SERPINB10: variants seen among roughly 807,000 people sequenced by gnomAD.
SERPINB10 encodes the protein serpin B10.
SERPINB10 carries 35 observed loss-of-function variants against 39.1 expected under a neutral mutation model. That is an observed-to-expected ratio of 0.90 (90% CI 0.68 to 1.19). The LOEUF is 1.19. Among genes scored for constraint, SERPINB10 ranks in the 50% most tolerant of loss-of-function variants. The probability of loss-of-function intolerance (pLI) is 0.00; values close to 1 mark genes in which losing one functional copy is unlikely to be tolerated. For synonymous variants in SERPINB10, 190 were observed against 158.1 expected, an observed-to-expected ratio of 1.20 and a Z score of -1.52; for missense variants, 546 against 460.5, an observed-to-expected ratio of 1.19 and a Z score of -1.70.
intron 3 of SERPINB10, 45 bp downstream of exon 3, chr18:63,917,566 T>A: frequency 1.8e-6 from 2 of 1,126,526 alleles, no homozygotes; most frequent in Non-Finnish European, 2.5e-6. Context: ...AAGGAAAAAG[T>A]ACTTTTAGCA....
At chr18:63,934,096 T>C (rs1379064936) in intron 7 of SERPINB10, among the ~76,000 whole-genome samples, 1 of 152,186 alleles carries the variant, frequency 6.6e-6, no homozygotes, top group African/African-American at 2.4e-5. Flanking sequence ...TTAATGTAAG[T>C]GGTTTACAGG....
chr18:63,932,241 C>A (rs142701874), intron 6 of SERPINB10, among the ~76,000 whole-genome samples: 6 of 152,276 alleles, frequency 3.9e-5, no homozygotes, highest in African/African-American at 1.2e-4. Flanking sequence ...TTTCTGTGGA[C>A]ACTGTTTTTA....
intron 5 of SERPINB10, among the ~76,000 whole-genome samples, chr18:63,929,300 A>C (rs1340435327): frequency 6.6e-6 from 1 of 152,178 alleles, no homozygotes; most frequent in Non-Finnish European, 1.5e-5. Context: ...TTAGAAATTT[A>C]AAATTTTTGG....
intron 5 of SERPINB10, among the ~76,000 whole-genome samples, chr18:63,921,715 A>C (rs2050148067): frequency 6.6e-6 from 1 of 151,890 alleles, no homozygotes; most frequent in Admixed American, 6.6e-5. Context: ...GACCTATGGG[A>C]TCAACACAAA....
chr18:63,909,293 C>T (rs1239761776), intron 1 of SERPINB10, among the ~76,000 whole-genome samples: 19 of 152,032 alleles, frequency 1.2e-4, no homozygotes, highest in Non-Finnish European at 5.9e-5. Flanking sequence ...TACACATTTG[C>T]AGTCTTCTCT....
intron 1 of SERPINB10, 89 bp downstream of exon 1, chr18:63,908,129 C>T (rs931023141): frequency 1.3e-5 from 3 of 226,286 alleles, no homozygotes; most frequent in Admixed American, 6.1e-5. Flanking sequence ...AATGAAGACC[C>T]CTTCCCCCAA....
At chr18:63,920,263 T>G (rs2050137147) in intron 5 of SERPINB10, among the ~76,000 whole-genome samples, 1 of 152,002 alleles carries the variant, frequency 6.6e-6, no homozygotes, top group African/African-American at 2.4e-5. Flanking sequence ...ATAACAGAAA[T>G]GTGGCATTAA....
Position 63,918,013 on chromosome 18 carries a change from C to A in SERPINB10, c.283C>A (p.Leu95Ile), listed in dbSNP as rs145953625. The A allele has an allele frequency of 2.5e-6, 4 of 1,611,774 alleles. No homozygotes were observed. In the African/African-American group the frequency reaches 5.3e-5, roughly 22 times the overall value. ...SEEIHSDFQT[L>I]ISEILKPNDD... ...AGAAATACACTCTGATTTCCAAACACTTATCTCAGAAATCCTCAAGCCCAA... is the reference window on the plus strand; with the variant it reads ...AGAAATACACTCTGATTTCCAAACAATTATCTCAGAAATCCTCAAGCCCAA... The change falls in exon 4 of 8, where the codon CTT becomes ATT. Residue 95 changes from leucine (L) to isoleucine (I), a missense_variant. Coordinates refer to ENST00000238508, the MANE Select transcript of SERPINB10 (RefSeq NM_005024.3).
intron 7 of SERPINB10, among the ~76,000 whole-genome samples, chr18:63,934,536 T>C (rs983467200): frequency 6.6e-6 from 1 of 152,196 alleles, no homozygotes; most frequent in African/African-American, 2.4e-5. Flanking sequence ...AACATCTAAA[T>C]GTATATTTAT....
chr18:63,932,403 C>T (rs1278955212), intron 6 of SERPINB10, among the ~76,000 whole-genome samples: 3 of 152,144 alleles, frequency 2.0e-5, no homozygotes, highest in Non-Finnish European at 2.9e-5. Context: ...TGCTTCATAT[C>T]GTCATCAGCA....
chr18:63,913,364 G>A (rs2050078721), intron 1 of SERPINB10, among the ~76,000 whole-genome samples: 2 of 152,028 alleles, frequency 1.3e-5, no homozygotes, highest in African/African-American at 2.4e-5. Context: ...TAGGTCTGAT[G>A]TTCGATAGTT....
rs773168753 is a variant in SERPINB10, at chr18:63,919,801, A to T, written c.386A>T (p.Asp129Val). Residue 129 changes from aspartate to valine, a missense_variant, in exon 5 of 8, where the codon GAC (aspartate) becomes GTC (valine). Physicochemically the swap from Asp to Val is radical, Grantham distance 152. Transcript: ENST00000238508. ...TATGTCTTTCAGAAATATTTAGAAG[A>T]CATGAAAACATATTTTGGTGCAGAA... ...TYAFHNKYLE[D>V]MKTYFGAEPQ... is the part of the protein sequence containing the mutation. The T allele has an allele frequency of 6.3e-7, 1 of 1,597,166 alleles. No individual in the cohort carries two copies. Among genetic ancestry groups the T allele is most frequent in the Admixed American group, 1.7e-5 (1 of 57,556 alleles).
intron 1 of SERPINB10, among the ~76,000 whole-genome samples, chr18:63,912,494 T>C (rs1415219607): frequency 2.6e-5 from 4 of 151,968 alleles, no homozygotes; most frequent in African/African-American, 7.2e-5. Context: ...TTATCATGAA[T>C]GGATATTGGA....
intron 5 of SERPINB10, among the ~76,000 whole-genome samples, chr18:63,929,734 G>GA (rs796777562): frequency 3.4e-4 from 39 of 113,874 alleles, no homozygotes; most frequent in East Asian, 2.4e-3. Flanking sequence ...AAAAAAAAAA[G>GA]AAAAAAAAAA....
In SERPINB10 at chr18:63,934,946, T is replaced by G. The variant is rs1168882484; in HGVS notation, c.898T>G (p.Tyr300Asp). 1.2e-6 allele frequency: 2 copies of G among 1,614,228 alleles called. No individual in the cohort carries two copies. Among genetic ancestry groups the G allele is most frequent in the Non-Finnish European group, 1.7e-6 (2 of 1,180,038 alleles). ...TCCCAAGTTCAAGCTGGAAGACAGT[T>G]ATGATCTCAAGTCAACCCTGAGCAG... is the stretch of plus-strand genomic sequence containing the variant. ...HLPKFKLEDSYDLKSTLSSMG... is the reference protein window; with the variant it reads ...HLPKFKLEDSDDLKSTLSSMG... The change falls in exon 8 of 8, where the codon TAT becomes GAT. Residue 300 changes from tyrosine to aspartate, a missense_variant. Coordinates refer to ENST00000238508, the MANE Select transcript of SERPINB10 (RefSeq NM_005024.3).
chr18:63,935,911 G>C lies in SERPINB10; in HGVS notation c.*669G>C, dbSNP rs1386368777. The C allele has an allele frequency of 6.6e-6, 1 of 152,164 alleles. No homozygotes were observed. Among genetic ancestry groups the C allele is most frequent in the Non-Finnish European group, 1.5e-5 (1 of 68,032 alleles). 9.4% of individuals were successfully genotyped at this position (152,164 alleles called of 1,614,324 possible). On this transcript the variant is annotated 3_prime_UTR_variant, in exon 8 of 8. Transcript: ENST00000238508. Reference sequence around the variant, plus strand: ...ATATTGACATTAGCTTAAAAAACTAGTGAAATCCAAATGAAATTTGAAGTT... The same window carrying C: ...ATATTGACATTAGCTTAAAAAACTACTGAAATCCAAATGAAATTTGAAGTT...
In SERPINB10 at chr18:63,917,574, G is replaced by A; in HGVS notation, c.234+53G>A. On this transcript the variant is annotated intron_variant, in intron 3 of 7. Coordinates refer to ENST00000238508, the MANE Select transcript of SERPINB10 (RefSeq NM_005024.3). ...CATAATTAAGGAAAAAGTACTTTTA[G>A]CACATGTATTTTAGTGATAACTGAA... The A allele has an allele frequency of 4.7e-6, 5 of 1,058,692 alleles. No homozygotes were observed. The South Asian group carries it at 5.2e-5, about 11-fold the overall frequency. 65.6% of individuals were successfully genotyped at this position (1,058,692 alleles called of 1,614,324 possible).
In SERPINB10 at chr18:63,934,974, T is replaced by C. The variant is rs1363246038; in HGVS notation, c.926T>C (p.Met309Thr). 1.2e-6 allele frequency: 2 copies of C among 1,614,106 alleles called. No individual in the cohort carries two copies. Among genetic ancestry groups the C allele is most frequent in the Non-Finnish European group, 1.7e-6 (2 of 1,180,048 alleles). ...SYDLKSTLSS[M>T]GMSDAFSQSK... ...GATCTCAAGTCAACCCTGAGCAGTATGGGGATGAGTGATGCCTTCAGCCAA... is the reference window on the plus strand; with the variant it reads ...GATCTCAAGTCAACCCTGAGCAGTACGGGGATGAGTGATGCCTTCAGCCAA... The change falls in exon 8 of 8, where the codon ATG becomes ACG. Residue 309 changes from methionine to threonine, a missense_variant. By Grantham distance (81) the Met-to-Thr change is moderately conservative (BLOSUM62 -1). Transcript: ENST00000238508.
intron 4 of SERPINB10, 62 bp downstream of exon 4, chr18:63,918,164 T>C: frequency 6.5e-7 from 1 of 1,547,458 alleles, no homozygotes; most frequent in Non-Finnish European, 8.9e-7. Flanking sequence ...GACCAATCAG[T>C]AAACTCTGTA....
Sources: gnomAD v4.1 joint callset for allele counts (sites outside exome capture counted in the v4.1 genomes callset) on GRCh38, gnomAD v4.1.1 for gene constraint, MANE v1.5 for transcripts, NCBI Gene and HGNC (gene_info 2026-07-23, HGNC 2026-07-21) for gene names.